The following OSBPL5 variants were observed in gnomAD, a reference collection of about 807,000 sequenced individuals.
OSBPL5 encodes oxysterol binding protein like 5.
Under a neutral mutation model 111.2 loss-of-function variants are expected in OSBPL5, and 71 were observed. The ratio of observed to expected loss-of-function variants is 0.64; its 90% CI spans 0.53 to 0.78. OSBPL5 has a LOEUF of 0.78. Among genes scored for constraint, OSBPL5 ranks in the 30% least tolerant of loss-of-function variants. The pLI is 0.00. For missense variants in OSBPL5, 1,210 were observed against 1,189.3 expected, an observed-to-expected ratio of 1.02 and a Z score of -0.26; for synonymous variants, 549 against 513.9, an observed-to-expected ratio of 1.07 and a Z score of -0.93.
At chr11:3,117,103 T>A in intron 7 of OSBPL5, among the ~76,000 whole-genome samples, 2 of 152,232 alleles carry the variant, frequency 1.3e-5, no homozygotes, top group East Asian at 3.8e-4. Context: ...ATAAGTGCAG[T>A]AAGAATCTGT....
chr11:3,097,014 A>G (rs1359448644), intron 14 of OSBPL5, among the ~76,000 whole-genome samples: 7 of 110,636 alleles, frequency 6.3e-5, no homozygotes, highest in East Asian at 3.0e-4. Context: ...GAGGGGGAAG[A>G]CGGGAGGGGG....
chr11:3,103,833 A>T (rs112970860), intron 10 of OSBPL5, among the ~76,000 whole-genome samples: 33,137 of 77,612 alleles, frequency 0.43, 5,104 homozygotes, highest in Admixed American at 0.46. Flanking sequence ...GCCCCCTTCC[A>T]GCCTCTGCAG....
intron 13 of OSBPL5, among the ~76,000 whole-genome samples, chr11:3,101,326 C>T (rs939192897): frequency 2.0e-5 from 3 of 152,168 alleles, no homozygotes; most frequent in African/African-American, 7.2e-5. Flanking sequence ...TGCTCTGGGG[C>T]TGCTCAGCCC....
At chr11:3,088,480 G>A (rs1195471259) in intron 21 of OSBPL5, 137 bp from the exon 22 acceptor site, 12 of 1,042,788 alleles carry the variant, frequency 1.2e-5, no homozygotes, top group Non-Finnish European at 1.4e-5. Context: ...GCCCTCCAGG[G>A]GCAACAGAGC....
At chr11:3,093,157 T>C (rs1857124791) in intron 17 of OSBPL5, 105 bp from the exon 18 acceptor site, 1 of 1,166,982 alleles carries the variant, frequency 8.6e-7, no homozygotes, top group Non-Finnish European at 1.2e-6. Context: ...CAGAGCAACC[T>C]CTGCGTGATT....
At chr11:3,117,528 C>A (rs963617800) in intron 7 of OSBPL5, among the ~76,000 whole-genome samples, 2 of 152,040 alleles carry the variant, frequency 1.3e-5, no homozygotes, top group Admixed American at 6.6e-5. Context: ...ATAATTAGTC[C>A]AAGTATAATA....
chr11:3,145,546 G>C (rs1429411637), intron 1 of OSBPL5, among the ~76,000 whole-genome samples: 1 of 152,232 alleles, frequency 6.6e-6, no homozygotes, highest in African/African-American at 2.4e-5. Context: ...TCTTGGGGTG[G>C]GGGTTTGGCC....
In OSBPL5 at chr11:3,122,418, C is replaced by G. The variant is rs1432000055; in HGVS notation, c.230G>C (p.Arg77Thr). The G allele has an allele frequency of 6.2e-7, 1 of 1,613,702 alleles. No homozygotes were observed. Among genetic ancestry groups the G allele is most frequent in the Admixed American group, 1.7e-5 (1 of 59,976 alleles). The change falls in exon 4 of 22, where the codon AGG becomes ACG. Residue 77 changes from arginine to threonine, a missense_variant. By Grantham distance (71) the Arg-to-Thr change is moderately conservative (BLOSUM62 -1). Coordinates refer to ENST00000263650, the MANE Select transcript of OSBPL5 (RefSeq NM_020896.4). ...SATKVPPAEY[R>T]LCNGSDKECV... The stretch of plus-strand genomic sequence containing the variant: ...TTCCTTGTCTGACCCGTTGCACAGC[C>G]TGTACTCTGCCTGAAAGAGAGAGGT...
intron 7 of OSBPL5, among the ~76,000 whole-genome samples, chr11:3,112,049 GTGTGTGCATGTGTATGTGTGTGTGCA>G (rs1564837476): frequency 1.6e-5 from 1 of 60,694 alleles, no homozygotes; most frequent in East Asian, 5.8e-4. Flanking sequence ...GTGCGCGCAT[GTGTGTGCATGTGTATGTGTGTGTGCA>G]TGTGTGTGTG....
At chr11:3,122,868 G>C (rs1858472140) in intron 3 of OSBPL5, among the ~76,000 whole-genome samples, 1 of 152,196 alleles carries the variant, frequency 6.6e-6, no homozygotes, top group Non-Finnish European at 1.5e-5. Flanking sequence ...GAGGAGCTCG[G>C]CGGCGGCCAT....
intron 1 of OSBPL5, among the ~76,000 whole-genome samples, chr11:3,143,354 C>A (rs963593482): frequency 6.6e-6 from 1 of 152,128 alleles, no homozygotes; most frequent in Admixed American, 6.5e-5. Flanking sequence ...CGCACGGACG[C>A]GACACACCCA....
At chr11:3,122,544 T>C (rs1858460467) in intron 3 of OSBPL5, 116 bp from the exon 4 acceptor site, 2 of 884,732 alleles carry the variant, frequency 2.3e-6, no homozygotes, top group Non-Finnish European at 3.4e-6. Flanking sequence ...GGCGCTCCAC[T>C]CGTTTCCCGC....
rs1413041731 is a variant in OSBPL5 at position 3,088,018 on chromosome 11, C to A, written c.*187G>T. 6.0e-6 allele frequency: 3 copies of A among 497,706 alleles called. No homozygotes were observed. The allele number at this position is 497,706 out of a possible 1,614,324, so 30.8% of individuals were successfully genotyped here. On this transcript the variant is annotated 3_prime_UTR_variant, in exon 22 of 22. Transcript: ENST00000263650. ...GGAAGGCCCTGCAGAGAGGCCAGTGCCCCTGAGAGGGGCCCAGCACACCTG... is the reference window on the plus strand; with the variant it reads ...GGAAGGCCCTGCAGAGAGGCCAGTGACCCTGAGAGGGGCCCAGCACACCTG...
intron 3 of OSBPL5, among the ~76,000 whole-genome samples, chr11:3,123,918 G>A (rs144771055): frequency 9.3e-4 from 142 of 152,336 alleles, no homozygotes; most frequent in African/African-American, 3.1e-3. Flanking sequence ...ACGGACTGGC[G>A]GTCCTGGCAG....
chr11:3,097,394 G>T (rs1318549297), intron 14 of OSBPL5, among the ~76,000 whole-genome samples: 1 of 152,108 alleles, frequency 6.6e-6, no homozygotes, highest in Non-Finnish European at 1.5e-5. Flanking sequence ...GCGCTCCGGG[G>T]TTAAAAAGAA....
chr11:3,100,134 G>A (rs749959319), intron 14 of OSBPL5, 24 bp downstream of exon 14: 43 of 1,606,758 alleles, frequency 2.7e-5, no homozygotes, highest in Middle Eastern at 1.6e-4. Context: ...CTCTGCCCTC[G>A]GAGTGTGTGG....
At chr11:3,122,456 CAG>C in intron 3 of OSBPL5, 28 bp from the exon 4 acceptor site, 1 of 1,607,468 alleles carries the variant, frequency 6.2e-7, no homozygotes, top group Non-Finnish European at 8.5e-7. Flanking sequence ...GTATGCGGGA[CAG>C]GGCACAGGGG....
In OSBPL5 at chr11:3,088,164, G is replaced by A. The variant is rs1170630344; in HGVS notation, c.*41C>T. 1 of 1,494,172 alleles carries A rather than the reference G, an allele frequency of 6.7e-7. No individual in the cohort carries two copies. The highest frequency in any genetic ancestry group is 9.0e-7 in the Non-Finnish European group (1 of 1,116,034). 92.6% of individuals were successfully genotyped at this position (1,494,172 alleles called of 1,614,324 possible). A position where few individuals can be genotyped will look rare whatever the true frequency, so the allele number is the denominator to read the frequency against. ...GCTTAAAGTGCTGGGTGCCTGGGAG[G>A]GAGGGCTCAGGACCGGCCAGGAGCT... On this transcript the variant is annotated 3_prime_UTR_variant, in exon 22 of 22. Transcript: ENST00000263650.
chr11:3,138,735 G>A (rs942445338), intron 1 of OSBPL5, among the ~76,000 whole-genome samples: 1 of 152,206 alleles, frequency 6.6e-6, no homozygotes, highest in African/African-American at 2.4e-5. Context: ...GGCTTGGTGT[G>A]CCACCCCCAG....
Sources: allele counts gnomAD v4.1 joint callset (sites outside exome capture counted in the v4.1 genomes callset), GRCh38; gene constraint gnomAD v4.1.1; transcripts MANE v1.5; gene names NCBI Gene and HGNC (gene_info 2026-07-23, HGNC 2026-07-21).